ERP44: variants seen among roughly 807,000 people sequenced by gnomAD.
The protein encoded by ERP44 is endoplasmic reticulum resident protein 44.
Under a neutral mutation model 53.4 loss-of-function variants are expected in ERP44, and 25 were observed. That is an observed-to-expected ratio of 0.47 (90% CI 0.34 to 0.65). The LOEUF (loss-of-function observed/expected upper bound fraction) is 0.65, where lower values mean the gene tolerates loss of function less well. Ranked by LOEUF, ERP44 falls within the 30% of genes least tolerant of loss-of-function variation. The probability of loss-of-function intolerance (pLI) is 0.01; values close to 1 mark genes in which losing one functional copy is unlikely to be tolerated. For missense variants in ERP44, 338 were observed against 493.2 expected (o/e 0.69, Z 2.98); for synonymous variants, 145 against 161.2 (o/e 0.90, Z 0.76).
chr9:100,020,474 A>G (rs562629561), intron 6 of ERP44, 142 bp downstream of exon 6: 2 of 534,654 alleles, frequency 3.7e-6, no homozygotes, highest in African/African-American at 3.9e-5. Context: ...GAATTCAGAG[A>G]CAGGTATAAA....
chr9:100,074,903 T>C lies in ERP44; in HGVS notation c.58-14731A>G, dbSNP rs147033425. Among the ~76,000 whole-genome samples the C allele has an allele frequency of 4.4e-3, 675 of 152,270 alleles. 3 individuals are homozygous for C. The highest frequency in any genetic ancestry group is 0.016 in the African/African-American group (649 of 41,542). Reference sequence around the variant, plus strand: ...CCCCGGACTCATCCTGTGGTCATTTTCCAGGTGCCAGAATGCCTAATTGGC... The same window carrying C: ...CCCCGGACTCATCCTGTGGTCATTTCCCAGGTGCCAGAATGCCTAATTGGC... On this transcript the variant is annotated intron_variant, in intron 1 of 11. Coordinates refer to ENST00000262455, the MANE Select transcript of ERP44 (RefSeq NM_015051.3).
chr9:100,098,275 A>G (rs1313126401), intron 1 of ERP44, among the ~76,000 whole-genome samples: 1 of 152,190 alleles, frequency 6.6e-6, no homozygotes, highest in African/African-American at 2.4e-5. Flanking sequence ...AGTGGAATCC[A>G]AACCAGTCTC....
intron 1 of ERP44, among the ~76,000 whole-genome samples, chr9:100,082,387 AATAT>A (rs61185937): frequency 0.47 from 69,390 of 148,948 alleles, 17,346 homozygotes; most frequent in East Asian, 0.89. Flanking sequence ...TATAAAAAAT[AATAT>A]ATATATATAT....
At chr9:100,050,782 A>G (rs571041745) in intron 4 of ERP44, among the ~76,000 whole-genome samples, 3 of 152,250 alleles carry the variant, frequency 2.0e-5, no homozygotes, top group Non-Finnish European at 4.4e-5. Flanking sequence ...AAAGCTTACT[A>G]GCAATGATGT....
rs1054619458 is a variant in ERP44, at chr9:100,074,338, C to T, written c.58-14166G>A. On this transcript the variant is annotated intron_variant, in intron 1 of 11. Transcript: ENST00000262455. ...AACGTTCAAGACTGCTGGGTTATCACACTGAATAACACTATTCAGAATATT... is the reference window on the plus strand; with the variant it reads ...AACGTTCAAGACTGCTGGGTTATCATACTGAATAACACTATTCAGAATATT... 2.6e-4 allele frequency among the ~76,000 whole-genome samples: 39 copies of T among 152,156 alleles called. 1 individual carries two copies. The highest frequency in any genetic ancestry group is 1.5e-5 in the Non-Finnish European group (1 of 68,038).
intron 8 of ERP44, among the ~76,000 whole-genome samples, chr9:100,008,195 CT>C (rs1830439076): frequency 1.3e-5 from 2 of 152,226 alleles, no homozygotes; most frequent in South Asian, 4.1e-4. Context: ...ACATATAAAA[CT>C]TACCCAAAGC....
chr9:100,067,168 G>A (rs7023197), intron 1 of ERP44, among the ~76,000 whole-genome samples: 2 of 146,718 alleles, frequency 1.4e-5, no homozygotes, highest in Non-Finnish European at 3.0e-5. Flanking sequence ...TCTCCCTCTC[G>A]CTCTCCCTCT....
chr9:100,089,563 A>T (rs1235953979), intron 1 of ERP44, among the ~76,000 whole-genome samples: 1 of 140,206 alleles, frequency 7.1e-6, no homozygotes, highest in East Asian at 2.1e-4. Context: ...CCTGGGTGAC[A>T]GAGTGAGACT....
At chr9:100,055,730 T>C (rs892356334) in intron 3 of ERP44, among the ~76,000 whole-genome samples, 2 of 152,192 alleles carry the variant, frequency 1.3e-5, no homozygotes, top group African/African-American at 4.8e-5. Context: ...CATAAATATA[T>C]ATACCTACTA....
intron 1 of ERP44, among the ~76,000 whole-genome samples, chr9:100,075,231 G>A (rs1424155303): frequency 6.6e-6 from 1 of 152,204 alleles, no homozygotes; most frequent in Non-Finnish European, 1.5e-5. Context: ...TTAACCAAGT[G>A]GTAACTCCAA....
chr9:100,071,629 G>A (rs1358004639), intron 1 of ERP44, among the ~76,000 whole-genome samples: 1 of 152,090 alleles, frequency 6.6e-6, no homozygotes, highest in East Asian at 1.9e-4. Context: ...TTAAAGATCT[G>A]TATTTTTTGG....
intron 2 of ERP44, 110 bp downstream of exon 2, chr9:100,059,990 T>C (rs1008376174): frequency 4.5e-6 from 4 of 889,152 alleles, no homozygotes; most frequent in Admixed American, 4.7e-5. Context: ...GAATGCCAGC[T>C]CTTCATCTGT....
At chr9:100,000,279 A>G (rs973526442) in intron 10 of ERP44, among the ~76,000 whole-genome samples, 2 of 149,590 alleles carry the variant, frequency 1.3e-5, no homozygotes, top group Admixed American at 1.3e-4. Flanking sequence ...TATAAAAAGT[A>G]AAAAAAAAAT....
At chr9:100,094,404 T>C (rs1413372198) in intron 1 of ERP44, among the ~76,000 whole-genome samples, 1 of 151,998 alleles carries the variant, frequency 6.6e-6, no homozygotes, top group Non-Finnish European at 1.5e-5. Context: ...ATGCCTGTAA[T>C]CCCAGCACTT....
At chr9:100,031,206 G>T (rs549008359) in intron 4 of ERP44, among the ~76,000 whole-genome samples, 64 of 151,848 alleles carry the variant, frequency 4.2e-4, no homozygotes, top group African/African-American at 1.4e-3. Context: ...AAAAAATGCT[G>T]AAGTTTCCTT....
chr9:100,064,690 A>T (rs1000594203), intron 1 of ERP44, among the ~76,000 whole-genome samples: 2 of 152,320 alleles, frequency 1.3e-5, no homozygotes, highest in African/African-American at 4.8e-5. Flanking sequence ...GAGGCTACAT[A>T]TATGACAGTG....
intron 4 of ERP44, among the ~76,000 whole-genome samples, chr9:100,039,992 GACCAATA>G (rs959071729): frequency 1.3e-5 from 2 of 151,778 alleles, no homozygotes; most frequent in African/African-American, 4.8e-5. Context: ...AACCTGAACC[GACCAATA>G]ACAAATAATG....
intron 4 of ERP44, among the ~76,000 whole-genome samples, chr9:100,033,772 G>C (rs1281598315): frequency 2.0e-5 from 3 of 152,164 alleles, no homozygotes; most frequent in African/African-American, 7.2e-5. Context: ...TCAGAAGCAA[G>C]AGGGATGGAT....
intron 4 of ERP44, among the ~76,000 whole-genome samples, chr9:100,026,341 C>T (rs1156434196): frequency 6.6e-6 from 1 of 152,044 alleles, no homozygotes; most frequent in Non-Finnish European, 1.5e-5. Flanking sequence ...ATTTTGAAGC[C>T]ACAAAGATTA....
Sources: gnomAD v4.1 joint callset for allele counts (sites outside exome capture counted in the v4.1 genomes callset) on GRCh38, gnomAD v4.1.1 for gene constraint, MANE v1.5 for transcripts, NCBI Gene and HGNC (gene_info 2026-07-23, HGNC 2026-07-21) for gene names.